Variants in OR56A3 observed in about 807,000 individuals in gnomAD.
The protein encoded by OR56A3 is olfactory receptor family 56 subfamily A member 3.
Under a neutral mutation model 17.5 loss-of-function variants are expected in OR56A3, and 23 were observed. That is an observed-to-expected ratio of 1.32 (90% CI 0.95 to 1.87). The LOEUF (loss-of-function observed/expected upper bound fraction) is 1.87. OR56A3 is among the 40% of genes most tolerant of loss of function. The probability of loss-of-function intolerance (pLI) is 0.00; values close to 1 mark genes in which losing one functional copy is unlikely to be tolerated. For synonymous variants in OR56A3, 175 were observed against 150.6 expected (o/e 1.16, Z -1.19); for missense variants, 366 against 380.1 (o/e 0.96, Z 0.31).
chr11:5,992,080 C>A, the OR56A3 span, among the ~76,000 whole-genome samples: 1 of 152,216 alleles, frequency 6.6e-6, no homozygotes, highest in Non-Finnish European at 1.5e-5. Context: ...AAACCTCATG[C>A]AGTGAGCTGG....
In OR56A3 at chr11:5,948,320, C is replaced by G. The variant is rs1395807884; in HGVS notation, c.*26C>G. 1 of 1,473,674 alleles carries G rather than the reference C, an allele frequency of 6.8e-7. No individual in the cohort carries two copies. Among genetic ancestry groups the G allele is most frequent in the Non-Finnish European group, 9.4e-7 (1 of 1,062,546 alleles). The allele number at this position is 1,473,674 out of a possible 1,614,324, so 91.3% of individuals were successfully genotyped here. ...CAAGGACCACTGGATCTCTGAATAT[C>G]TAAAATAAGATAATTTATTAATCAC... On this transcript the variant is annotated 3_prime_UTR_variant, in exon 3 of 3. Coordinates refer to ENST00000641160, the MANE Select transcript of OR56A3 (RefSeq NM_001003443.3).
chr11:5,976,916 G>A, the OR56A3 span, among the ~76,000 whole-genome samples: 1 of 151,936 alleles, frequency 6.6e-6, no homozygotes, highest in Non-Finnish European at 1.5e-5. Context: ...TCTCTTCTTT[G>A]TGTTCATCTG....
At chr11:5,944,255 T>C (rs1847855679) in intron 1 of OR56A3, among the ~76,000 whole-genome samples, 1 of 152,238 alleles carries the variant, frequency 6.6e-6, no homozygotes, top group South Asian at 2.1e-4. Context: ...AGAATGATTT[T>C]ATAATCTTTA....
chr11:5,944,067 A>G (rs1280455210), intron 1 of OR56A3, among the ~76,000 whole-genome samples: 1 of 152,210 alleles, frequency 6.6e-6, no homozygotes, highest in Non-Finnish European at 1.5e-5. Flanking sequence ...CAGGGCATGA[A>G]GAAGGGTCGT....
the OR56A3 span, among the ~76,000 whole-genome samples, chr11:6,007,833 C>A: frequency 6.6e-6 from 1 of 152,186 alleles, no homozygotes; most frequent in African/African-American, 2.4e-5. Flanking sequence ...GCAGAGAGTG[C>A]TTTTCCTGTG....
chr11:5,988,706 T>G, the OR56A3 span, among the ~76,000 whole-genome samples: 1 of 152,246 alleles, frequency 6.6e-6, no homozygotes, highest in Admixed American at 6.5e-5. Context: ...ACTTTTGATA[T>G]GTTTACCTCT....
the OR56A3 span, chr11:6,002,069 G>C: frequency 6.3e-7 from 1 of 1,594,098 alleles, no homozygotes; most frequent in Non-Finnish European, 8.5e-7. Context: ...TCTTCAGCAG[G>C]TTTTGGATTC....
the OR56A3 span, among the ~76,000 whole-genome samples, chr11:5,970,913 T>C: frequency 6.6e-6 from 1 of 152,118 alleles, no homozygotes; most frequent in East Asian, 1.9e-4. Context: ...ATGTCTTAAT[T>C]TGGGGAAGGC....
chr11:5,993,548 G>T, the OR56A3 span, among the ~76,000 whole-genome samples: 1,498 of 152,178 alleles, frequency 9.8e-3, 11 homozygotes, highest in Non-Finnish European at 0.017. Flanking sequence ...TCAAAGGTGA[G>T]AATTAAATGT....
At chr11:5,968,459 G>C in the OR56A3 span, 1 of 1,565,588 alleles carries the variant, frequency 6.4e-7, no homozygotes. Context: ...AGAATTCAAA[G>C]ACTGGGGAAG....
chr11:5,985,623 T>G, the OR56A3 span, among the ~76,000 whole-genome samples: 3 of 152,186 alleles, frequency 2.0e-5, no homozygotes, highest in Non-Finnish European at 4.4e-5. Flanking sequence ...GGCCTACCAT[T>G]GGGCAAAGGC....
the OR56A3 span, among the ~76,000 whole-genome samples, chr11:5,969,621 C>A: frequency 6.6e-6 from 1 of 152,224 alleles, no homozygotes; most frequent in African/African-American, 2.4e-5. Flanking sequence ...TTCCTAAATC[C>A]TTCCCATGGA....
At chr11:5,986,470 A>G in the OR56A3 span, 1 of 1,613,992 alleles carries the variant, frequency 6.2e-7, no homozygotes, top group Non-Finnish European at 8.5e-7. Context: ...CCCTGGATGC[A>G]GGATTGTGGA....
At chr11:5,991,691 T>A in the OR56A3 span, among the ~76,000 whole-genome samples, 2 of 152,186 alleles carry the variant, frequency 1.3e-5, no homozygotes. Flanking sequence ...CCCCCAACTG[T>A]AAACCCAGAA....
the OR56A3 span, among the ~76,000 whole-genome samples, chr11:5,997,986 G>A: frequency 6.6e-6 from 1 of 152,156 alleles, no homozygotes; most frequent in African/African-American, 2.4e-5. Context: ...AAATGTGTGT[G>A]ACAGTGAAGG....
the OR56A3 span, among the ~76,000 whole-genome samples, chr11:5,956,383 C>CT: frequency 2.6e-5 from 4 of 151,972 alleles, no homozygotes; most frequent in African/African-American, 7.3e-5. Context: ...AGGTGTAGAT[C>CT]TGAGCTGCAC....
chr11:5,989,473 A>C, the OR56A3 span, among the ~76,000 whole-genome samples: 1 of 152,258 alleles, frequency 6.6e-6, no homozygotes, highest in African/African-American at 2.4e-5. Flanking sequence ...TAAATTAAGT[A>C]AACAAATAAG....
chr11:5,962,309 A>C, the OR56A3 span, among the ~76,000 whole-genome samples: 2,138 of 152,108 alleles, frequency 0.014, 56 homozygotes, highest in African/African-American at 0.049. Flanking sequence ...GTTTTTAAAG[A>C]TTTCTGCATC....
At chr11:5,955,293 T>C (rs1847926611), downstream of OR56A3, among the ~76,000 whole-genome samples, 1 of 152,182 alleles carries the variant, frequency 6.6e-6, no homozygotes, top group Non-Finnish European at 1.5e-5. Context: ...TTGTAACTTA[T>C]GATTTTCCAA....
Sources: allele counts gnomAD v4.1 joint callset (sites outside exome capture counted in the v4.1 genomes callset), GRCh38; gene constraint gnomAD v4.1.1; transcripts MANE v1.5; gene names NCBI Gene and HGNC (gene_info 2026-07-23, HGNC 2026-07-21).